The following COG5 variants were observed in gnomAD, a reference collection of about 807,000 sequenced individuals.
COG5 encodes the protein component of oligomeric golgi complex 5, also known as conserved oligomeric Golgi complex subunit 5.
COG5 carries 86 observed loss-of-function variants against 110.4 expected under a neutral mutation model. The ratio of observed to expected loss-of-function variants is 0.78; its 90% CI spans 0.65 to 0.93. The LOEUF (loss-of-function observed/expected upper bound fraction) is 0.93, where lower values mean the gene tolerates loss of function less well. COG5 is among the 40% of genes least tolerant of loss of function. COG5 has a pLI of 0.00. For missense variants in COG5, 1,077 were observed against 987.0 expected (o/e 1.09, Z -1.22); for synonymous variants, 360 against 334.6 (o/e 1.08, Z -0.83).
chr7:107,351,395 A>T (rs904029152), intron 10 of COG5, among the ~76,000 whole-genome samples: 4 of 152,198 alleles, frequency 2.6e-5, no homozygotes, highest in African/African-American at 9.6e-5. Flanking sequence ...GGACATAGGC[A>T]TGGGCAAGGA....
chr7:107,549,507 T>C (rs1212740390), intron 3 of COG5, among the ~76,000 whole-genome samples: 1 of 151,806 alleles, frequency 6.6e-6, no homozygotes, highest in Admixed American at 6.6e-5. Context: ...TTCTCCAGCC[T>C]CAGCCTCCCG....
chr7:107,270,285 G>T lies in COG5; in HGVS notation c.1575+11015C>A, dbSNP rs141862923. On this transcript the variant is annotated intron_variant, in intron 14 of 21. Coordinates refer to ENST00000297135, the MANE Select transcript of COG5 (RefSeq NM_006348.5). ...TTTTTTTTTTTTTTTTCTGAGACAGGACATCCTTCTATTACTCCGGCTGGA... is the reference window on the plus strand; with the variant it reads ...TTTTTTTTTTTTTTTTCTGAGACAGTACATCCTTCTATTACTCCGGCTGGA... 3.5e-3 allele frequency among the ~76,000 whole-genome samples: 517 copies of T among 147,336 alleles called. 4 individuals carry two copies. The highest frequency in any genetic ancestry group is 0.012 in the African/African-American group (480 of 39,332).
At chr7:107,270,628 T>TACACACACACACACAC (rs112944834) in intron 14 of COG5, among the ~76,000 whole-genome samples, 1 of 150,610 alleles carries the variant, frequency 6.6e-6, no homozygotes, top group African/African-American at 2.4e-5. Flanking sequence ...AAAGATGTTA[T>TACACACACACACACAC]ACACACACAC....
intron 16 of COG5, among the ~76,000 whole-genome samples, chr7:107,254,249 T>C (rs1802723826): frequency 6.6e-6 from 1 of 152,166 alleles, no homozygotes; most frequent in Admixed American, 6.6e-5. Context: ...ATCTTCTCTA[T>C]GAAATAAAAT....
chr7:107,283,654 A>C lies in COG5; in HGVS notation c.1392T>G (p.Asp464Glu), dbSNP rs777554964. Residue 464 changes from aspartate to glutamate, a missense_variant, in exon 13 of 22, where the codon GAT becomes GAG. By Grantham distance (45) the Asp-to-Glu change is conservative. Coordinates refer to ENST00000297135, the MANE Select transcript of COG5 (RefSeq NM_006348.5). Reference sequence around the variant, plus strand: ...CCGGGGGAAAAACCAAGTTGATAGGATCGAAGAGTCGAGATAAGGATTTTG... The same window carrying C: ...CCGGGGGAAAAACCAAGTTGATAGGCTCGAAGAGTCGAGATAAGGATTTTG... ...YLSKSLSRLF[D>E]PINLVFPPGG... 6.2e-7 allele frequency: 1 copy of C among 1,613,894 alleles called. No homozygotes were observed. Among genetic ancestry groups the C allele is most frequent in the East Asian group, 2.2e-5 (1 of 44,852 alleles).
chr7:107,558,226 A>G (rs1803474992), intron 1 of COG5, 111 bp from the exon 2 acceptor site: 1 of 1,062,444 alleles, frequency 9.4e-7, no homozygotes, highest in East Asian at 2.5e-5. Context: ...CCATACTCTG[A>G]ACCACTCCAC....
At chr7:107,537,671 G>T (rs1263300078) in intron 5 of COG5, among the ~76,000 whole-genome samples, 4 of 151,406 alleles carry the variant, frequency 2.6e-5, no homozygotes, top group African/African-American at 9.7e-5. Flanking sequence ...AACCACCATG[G>T]CACATGTATA....
chr7:107,357,647 C>T (rs1189843982), intron 10 of COG5, among the ~76,000 whole-genome samples: 1 of 152,042 alleles, frequency 6.6e-6, no homozygotes, highest in African/African-American at 2.4e-5. Context: ...GATTCATATG[C>T]ATTTTCTTTC....
intron 11 of COG5, among the ~76,000 whole-genome samples, chr7:107,308,522 G>A (rs905784973): frequency 6.6e-6 from 1 of 152,072 alleles, no homozygotes; most frequent in Non-Finnish European, 1.5e-5. Flanking sequence ...TCATCCTTAG[G>A]TCTGCTAATT....
intron 5 of COG5, among the ~76,000 whole-genome samples, chr7:107,537,920 GA>G (rs1274052620): frequency 6.6e-6 from 1 of 152,122 alleles, no homozygotes; most frequent in East Asian, 1.9e-4. Context: ...ACAGGAGATA[GA>G]AATTATTTAG....
rs1990056 is a variant in COG5 at position 107,323,250 on chromosome 7, C to T, written c.1108+1190G>A. Among the ~76,000 whole-genome samples the T allele has an allele frequency of 6.1e-3, 926 of 152,248 alleles. 9 individuals carry two copies. Among genetic ancestry groups the T allele is most frequent in the African/African-American group, 0.02 (815 of 41,534 alleles). On this transcript the variant is annotated intron_variant, in intron 11 of 21. Coordinates refer to ENST00000297135, the MANE Select transcript of COG5 (RefSeq NM_006348.5). ...TGATTCACAAGTAAACGGAACAGGC[C>T]GGGCGCAGTGGCTCATGCCTGTAAT...
intron 19 of COG5, among the ~76,000 whole-genome samples, chr7:107,227,062 G>GA (rs1800394891): frequency 6.6e-6 from 1 of 152,172 alleles, no homozygotes; most frequent in African/African-American, 2.4e-5. Flanking sequence ...ACAGTTTGTG[G>GA]AAAGGAAAAA....
intron 6 of COG5, among the ~76,000 whole-genome samples, chr7:107,502,104 T>C (rs1022148776): frequency 6.6e-6 from 1 of 152,160 alleles, no homozygotes; most frequent in African/African-American, 2.4e-5. Flanking sequence ...GAGATTTTAG[T>C]ACACCTATCA....
At chr7:107,329,397 G>A (rs1395337093) in intron 10 of COG5, among the ~76,000 whole-genome samples, 1 of 152,028 alleles carries the variant, frequency 6.6e-6, no homozygotes, top group Non-Finnish European at 1.5e-5. Context: ...GGGTAAGATA[G>A]TATGTTAAAG....
rs1226458197 is a variant in COG5, at chr7:107,248,387, A to C, written c.1853+9T>G. The C allele has an allele frequency of 6.4e-7, 1 of 1,565,062 alleles. No homozygotes were observed. Among genetic ancestry groups the C allele is most frequent in the African/African-American group, 1.4e-5 (1 of 74,002 alleles). ...AAAAGTTAGTAAAAATTTGGTTAGA[A>C]GTAATTACCCAGAAAAGTCTTCTTG... On this transcript the variant is annotated intron_variant, in intron 17 of 21. Coordinates refer to ENST00000297135, the MANE Select transcript of COG5 (RefSeq NM_006348.5).
intron 6 of COG5, among the ~76,000 whole-genome samples, chr7:107,517,935 A>G (rs1298403904): frequency 2.0e-5 from 3 of 152,044 alleles, no homozygotes; most frequent in East Asian, 3.9e-4. Flanking sequence ...TGACCTCGAG[A>G]TCTGCCCGCC....
chr7:107,308,586 G>T (rs1807929162), intron 11 of COG5, among the ~76,000 whole-genome samples: 1 of 152,000 alleles, frequency 6.6e-6, no homozygotes, highest in African/African-American at 2.4e-5. Context: ...ATTTATTAGA[G>T]GCAATACTTA....
At chr7:107,476,063 A>C (rs1050550002) in intron 6 of COG5, among the ~76,000 whole-genome samples, 1 of 151,178 alleles carries the variant, frequency 6.6e-6, no homozygotes, top group African/African-American at 2.4e-5. Flanking sequence ...GTATGCCTAT[A>C]ATATACAAAT....
chr7:107,381,563 T>C (rs1296763800), intron 7 of COG5, among the ~76,000 whole-genome samples: 1 of 152,216 alleles, frequency 6.6e-6, no homozygotes, highest in Admixed American at 6.5e-5. Context: ...CACAGACAAT[T>C]GTTGTCTTGT....
Sources: allele counts gnomAD v4.1 joint callset (sites outside exome capture counted in the v4.1 genomes callset), GRCh38; gene constraint gnomAD v4.1.1; transcripts MANE v1.5; gene names NCBI Gene and HGNC (gene_info 2026-07-23, HGNC 2026-07-21).